ABI3BP: variants seen among roughly 807,000 people sequenced by gnomAD.
ABI3BP encodes ABI family member 3 binding protein, also known as target of Nesh-SH3.
A neutral mutation model predicts 268.6 loss-of-function variants in ABI3BP; 216 were observed. That is an observed-to-expected ratio of 0.80 (90% confidence interval 0.72 to 0.90). ABI3BP has a LOEUF of 0.90. Ranked by LOEUF, ABI3BP falls within the 40% of genes least tolerant of loss-of-function variation. The pLI, the probability that ABI3BP is intolerant of heterozygous loss-of-function variation, is 0.00. For synonymous variants in ABI3BP, 730 were observed against 730.0 expected, an observed-to-expected ratio of 1.00 and a Z score of 0.00; for missense variants, 2,090 against 2,182.4, an observed-to-expected ratio of 0.96 and a Z score of 0.84.
intron 45 of ABI3BP, 98 bp from the exon 46 acceptor site, chr3:100,812,621 T>C (rs919405105): frequency 8.5e-5 from 58 of 680,046 alleles, no homozygotes; most frequent in African/African-American, 5.0e-4. Flanking sequence ...TTAACTGTTA[T>C]AGGGTAACAA....
chr3:100,813,844 G>T (rs2097923950), intron 44 of ABI3BP, 109 bp from the exon 45 acceptor site: 1 of 904,066 alleles, frequency 1.1e-6, no homozygotes, highest in Non-Finnish European at 1.7e-6. Context: ...AAATCATGAG[G>T]TTATGGAGAG....
In ABI3BP at chr3:100,834,304, G is replaced by C. The variant is rs528738649; in HGVS notation, c.2281+380C>G. On this transcript the variant is annotated intron_variant, in intron 29 of 67. Coordinates refer to ENST00000471714, the MANE Select transcript of ABI3BP (RefSeq NM_001375547.2). ...CATTCCTGTATATCTATTATGAAGA[G>C]TCTCACACAGGTAAGTCATTTGTTT... 2.6e-5 allele frequency among the ~76,000 whole-genome samples: 4 copies of C among 152,226 alleles called. No homozygotes were observed. In the South Asian group the frequency reaches 8.3e-4, roughly 32 times the overall value.
intron 1 of ABI3BP, among the ~76,000 whole-genome samples, chr3:100,927,947 C>CT (rs200729558): frequency 0.012 from 1,623 of 138,796 alleles, 14 homozygotes; most frequent in African/African-American, 0.026. Flanking sequence ...TTTTTTGTGT[C>CT]TTTTTTTTTT....
chr3:100,870,834 A>T (rs1227884683), intron 9 of ABI3BP, among the ~76,000 whole-genome samples: 1 of 152,200 alleles, frequency 6.6e-6, no homozygotes, highest in East Asian at 1.9e-4. Context: ...ATTATGGTAC[A>T]CACACACTGG....
intron 2 of ABI3BP, among the ~76,000 whole-genome samples, chr3:100,903,151 G>A (rs551906653): frequency 3.3e-5 from 5 of 152,048 alleles, no homozygotes; most frequent in South Asian, 2.1e-4. Flanking sequence ...TATTTATAAC[G>A]CCCTTCCTAA....
At chr3:100,866,411 C>A (rs2099051552) in intron 10 of ABI3BP, among the ~76,000 whole-genome samples, 1 of 152,128 alleles carries the variant, frequency 6.6e-6, no homozygotes. Flanking sequence ...ATTCTATATT[C>A]TCTACACTAG....
At chr3:100,874,800 T>C (rs1452457186) in intron 9 of ABI3BP, 41 bp downstream of exon 9, 1 of 1,195,680 alleles carries the variant, frequency 8.4e-7, no homozygotes, top group Non-Finnish European at 1.2e-6. Flanking sequence ...GTGCTAGTAC[T>C]CAGTTACTGC....
chr3:100,845,358 A>T (rs76232819), intron 20 of ABI3BP, among the ~76,000 whole-genome samples: 7,361 of 152,264 alleles, frequency 0.048, 222 homozygotes, highest in Non-Finnish European at 0.052. Flanking sequence ...CCATGGTCAC[A>T]GTGTCAACTA....
At position 100,832,321 on chromosome 3, in the gene ABI3BP, G is replaced by A. The variant is rs556183373; in HGVS notation, c.2344C>T (p.Arg782Cys). 33 of 1,535,232 alleles carry A rather than the reference G, an allele frequency of 2.1e-5. No individual in the cohort carries two copies. The highest frequency in any genetic ancestry group is 1.8e-4 in the African/African-American group (13 of 72,800). The change falls in exon 31 of 68, where the codon CGT (arginine) becomes TGT (cysteine). Residue 782 changes from arginine (R) to cysteine (C), a missense_variant. Arg to Cys is a radical substitution (Grantham distance 180). Transcript: ENST00000471714. Reference sequence around the variant, plus strand: ...GTGGTTTTAGGTTTGGGATGTGGACGACGGGTTCTTTTTGTTGTTGTTGTT... The same window carrying A: ...GTGGTTTTAGGTTTGGGATGTGGACAACGGGTTCTTTTTGTTGTTGTTGTT... ...APTTTTKRTR[R>C]PHPKPKTTPH...
At chr3:100,773,077 C>CA (rs563600769) in intron 61 of ABI3BP, among the ~76,000 whole-genome samples, 6,262 of 57,496 alleles carry the variant, frequency 0.11, 403 homozygotes, top group East Asian at 0.46. Flanking sequence ...GAGTCCATCT[C>CA]AAAAAAAAAA....
At chr3:100,808,762 A>AT (rs1203218943) in intron 49 of ABI3BP, among the ~76,000 whole-genome samples, 3 of 152,032 alleles carry the variant, frequency 2.0e-5, no homozygotes, top group African/African-American at 7.2e-5. Flanking sequence ...CACCAAGGAT[A>AT]TTTTCTATGG....
At chr3:100,974,616 G>A (rs568609131) in intron 1 of ABI3BP, among the ~76,000 whole-genome samples, 1 of 152,228 alleles carries the variant, frequency 6.6e-6, no homozygotes, top group Admixed American at 6.5e-5. Flanking sequence ...TGACTACAAG[G>A]CACAGTGGAA....
At chr3:100,938,927 G>A (rs1344153939) in intron 1 of ABI3BP, among the ~76,000 whole-genome samples, 1 of 151,984 alleles carries the variant, frequency 6.6e-6, no homozygotes, top group African/African-American at 2.4e-5. Context: ...GGACGTTGTT[G>A]GGGGGGCATG....
At chr3:100,887,605 T>TA (rs936831751) in intron 4 of ABI3BP, among the ~76,000 whole-genome samples, 4 of 152,072 alleles carry the variant, frequency 2.6e-5, no homozygotes, top group Non-Finnish European at 4.4e-5. Context: ...GATGGAAACA[T>TA]ACGCATTGGG....
chr3:100,855,055 T>G (rs571179655), intron 14 of ABI3BP, among the ~76,000 whole-genome samples: 27 of 152,172 alleles, frequency 1.8e-4, no homozygotes, highest in African/African-American at 6.5e-4. Context: ...GCCTCCTGAG[T>G]AGCTGGGATT....
intron 9 of ABI3BP, among the ~76,000 whole-genome samples, chr3:100,871,761 C>T (rs1016983976): frequency 2.6e-5 from 4 of 152,136 alleles, no homozygotes; most frequent in Admixed American, 6.5e-5. Flanking sequence ...TATATCTTTA[C>T]CAGCAGTGTG....
chr3:100,860,809 G>A (rs371670484), intron 14 of ABI3BP, among the ~76,000 whole-genome samples: 1 of 152,120 alleles, frequency 6.6e-6, no homozygotes, highest in South Asian at 2.1e-4. Context: ...AAGATGAAAG[G>A]GATCTAAAAG....
At chr3:100,813,483 A>G (rs73135510) in intron 45 of ABI3BP, among the ~76,000 whole-genome samples, 178 bp downstream of exon 45, 3 of 152,166 alleles carry the variant, frequency 2.0e-5, no homozygotes, top group Admixed American at 6.5e-5. Flanking sequence ...TCAAATAGTA[A>G]TATTAATGTA....
At chr3:100,755,073 A>G (rs965450728) in intron 63 of ABI3BP, among the ~76,000 whole-genome samples, 7 of 152,298 alleles carry the variant, frequency 4.6e-5, no homozygotes, top group Non-Finnish European at 8.8e-5. Flanking sequence ...AGAAGTGGCA[A>G]GATTCCATTT....
Sources: allele counts gnomAD v4.1 joint callset (sites outside exome capture counted in the v4.1 genomes callset), GRCh38; gene constraint gnomAD v4.1.1; transcripts MANE v1.5; gene names NCBI Gene and HGNC (gene_info 2026-07-23, HGNC 2026-07-21).